The following USP9X variants were observed in gnomAD, a reference collection of about 807,000 sequenced individuals.
The protein encoded by USP9X is ubiquitin specific peptidase 9 X-linked.
A neutral mutation model predicts 190.3 loss-of-function variants in USP9X; 7 were observed. The observed-to-expected ratio is 0.04, with a 90% CI of 0.02 to 0.07. The LOEUF (loss-of-function observed/expected upper bound fraction) is 0.07. Ranked by LOEUF, USP9X falls within the 10% of genes least tolerant of loss-of-function variation. USP9X has a pLI of 1.00. For missense variants in USP9X, 1,010 were observed against 1,916.9 expected (o/e 0.53, Z 8.83); for synonymous variants, 645 against 659.5 (o/e 0.98, Z 0.34).
At chrX:41,198,899 AT>A in intron 30 of USP9X, 149 bp downstream of exon 30, 2 of 583,282 alleles carry the variant, frequency 3.4e-6, no homozygotes, top group Non-Finnish European at 5.1e-6. Context: ...AGTTAAGACC[AT>A]TATAGGCCGG....
rs759719877 is a variant in USP9X at position 41,167,529 on chromosome X, C to T, written c.2376C>T (p.Leu792=). The part of the protein sequence containing the change: ...NDDIASRAID[L]LKEIYTNLGP... ...ATATTGCCAGCAGAGCTATAGATCT[C>T]CTCAAAGAGATATACACGAACCTTG... Residue 792 remains leucine (L), a synonymous_variant, in exon 17 of 45, where the codon CTC becomes CTT. Transcript: ENST00000378308. 1.7e-5 allele frequency: 21 copies of T among 1,206,471 alleles called. No individual in the cohort carries two copies. Among genetic ancestry groups the T allele is most frequent in the Non-Finnish European group, 2.1e-5 (19 of 893,253 alleles).
In USP9X at chrX:41,229,401, A is replaced by G; in HGVS notation, c.7210A>G (p.Ile2404Val). Residue 2404 changes from isoleucine to valine, a missense_variant, in exon 42 of 45, where the codon ATC becomes GTC. Ile to Val is a conservative substitution (Grantham distance 29). Transcript: ENST00000378308. ...LFSNCPVAYQ[I>V]LQGNGDLKRK... ...TAGTAACTGTCCTGTTGCTTACCAA[A>G]TCCTGCAGGTGAGGATTTTTTTCTT... The G allele has an allele frequency of 8.5e-7, 1 of 1,173,207 alleles. No homozygotes were observed. Among genetic ancestry groups the G allele is most frequent in the Non-Finnish European group, 1.1e-6 (1 of 880,485 alleles).
chrX:41,215,836 GTTTTT>G (rs200417100), intron 34 of USP9X, 58 bp from the exon 35 acceptor site: 1 of 872,351 alleles, frequency 1.1e-6, no homozygotes, highest in African/African-American at 2.1e-5. Flanking sequence ...TTTGCTTGGG[GTTTTT>G]TTTTTTTTCC....
Position 41,234,008 on chromosome X carries a change from T to TG in USP9X, c.*1485dup, listed in dbSNP as rs775997568. ...TTAAGAAGAACTTTTTGTCCTGTGG[T>TG]GTGTTTTTGGTTTTTTTTTTGGTTA... On this transcript the variant is annotated 3_prime_UTR_variant, in exon 45 of 45. Coordinates refer to ENST00000378308, the MANE Select transcript of USP9X (RefSeq NM_001039591.3). 1.8e-5 allele frequency: 2 copies of TG among 109,883 alleles called. No individual in the cohort carries two copies. Among genetic ancestry groups the TG allele is most frequent in the Non-Finnish European group, 3.8e-5 (2 of 52,755 alleles). 9.1% of individuals were successfully genotyped at this position (109,883 alleles called of 1,213,427 possible).
chrX:41,216,956 G>A (rs1161067149), intron 35 of USP9X, among the ~76,000 whole-genome samples: 3 of 110,956 alleles, frequency 2.7e-5, no homozygotes, highest in African/African-American at 6.6e-5. Flanking sequence ...CAGCTACTCC[G>A]GAGGCTGAGG....
At chrX:41,189,507 CT>C (rs1344708654) in intron 26 of USP9X, 32 bp downstream of exon 26, 3 of 1,142,672 alleles carry the variant, frequency 2.6e-6, no homozygotes, top group Non-Finnish European at 3.5e-6. Flanking sequence ...AAGAAACTTA[CT>C]TTTTGTAAAT....
intron 14 of USP9X, among the ~76,000 whole-genome samples, chrX:41,154,416 G>T (rs2062558100): frequency 9.0e-6 from 1 of 111,527 alleles, no homozygotes; most frequent in Admixed American, 9.5e-5. Flanking sequence ...GGTTGCCAAG[G>T]AGGGCCTTCC....
intron 41 of USP9X, 145 bp from the exon 42 acceptor site, chrX:41,229,108 A>G (rs2063339920): frequency 4.9e-6 from 2 of 407,840 alleles, no homozygotes; most frequent in East Asian, 8.9e-5. Flanking sequence ...AAATAAATAA[A>G]AAATAAAGGT....
rs191743234 is a variant in USP9X at position 41,178,630 on chromosome X, T to C, written c.3149-5368T>C. Among the ~76,000 whole-genome samples, 9 of 112,214 alleles carry C rather than the reference T, an allele frequency of 8.0e-5. No individual in the cohort carries two copies. The East Asian group carries it at 2.5e-3, about 31-fold the overall frequency. On this transcript the variant is annotated intron_variant, in intron 21 of 44. Coordinates refer to ENST00000378308, the MANE Select transcript of USP9X (RefSeq NM_001039591.3). ...GGATATTAACCCCTTGTCAGATGCATAGTTTGCAAATATTTTCTCCAATTC... is the reference window on the plus strand; with the variant it reads ...GGATATTAACCCCTTGTCAGATGCACAGTTTGCAAATATTTTCTCCAATTC...
chrX:41,178,742 T>C (rs772521862), intron 21 of USP9X, among the ~76,000 whole-genome samples: 2 of 112,046 alleles, frequency 1.8e-5, no homozygotes, highest in East Asian at 5.6e-4. Context: ...GTTTTTGTGT[T>C]TGTTGCCTGT....
chrX:41,175,214 C>T (rs1025544491), intron 21 of USP9X, among the ~76,000 whole-genome samples: 4 of 111,435 alleles, frequency 3.6e-5, no homozygotes, highest in Non-Finnish European at 7.5e-5. Context: ...CTTGTGTGCT[C>T]TTTGGCTCAA....
chrX:41,144,569 A>G lies in USP9X; in HGVS notation c.1362A>G (p.Ala454=). ...TGAAGAATGTACATGATCTCCTGGC[A>G]AAATTGGCATGGGATTTTTCTCCTG... The part of the protein sequence containing the change: ...AIVKNVHDLL[A]KLAWDFSPEQ... Residue 454 remains alanine (A), a synonymous_variant, in exon 11 of 45, where the codon GCA becomes GCG. Transcript: ENST00000378308. 2 of 1,211,285 alleles carry G rather than the reference A, an allele frequency of 1.7e-6. No homozygotes were observed. The highest frequency in any genetic ancestry group is 1.8e-5 in the South Asian group (1 of 56,969).
At chrX:41,227,400 A>G (rs1371874843) in intron 41 of USP9X, among the ~76,000 whole-genome samples, 1 of 112,200 alleles carries the variant, frequency 8.9e-6, no homozygotes, top group Admixed American at 9.5e-5. Context: ...TGAAACAGCA[A>G]GAGGGCCTGA....
intron 41 of USP9X, chrX:41,228,990 G>A: frequency 4.9e-6 from 1 of 204,892 alleles, no homozygotes; most frequent in Non-Finnish European, 8.8e-6. Flanking sequence ...GGTGGCACGT[G>A]CCTGTAGTTG....
intron 32 of USP9X, 95 bp downstream of exon 32, chrX:41,205,588 T>C (rs2063084164): frequency 1.2e-6 from 1 of 851,683 alleles, no homozygotes; most frequent in African/African-American, 2.1e-5. Context: ...GGAAGGCATC[T>C]TTTTTTAAGC....
chrX:41,159,119 C>G (rs1208734935), intron 14 of USP9X, among the ~76,000 whole-genome samples: 1 of 111,491 alleles, frequency 9.0e-6, no homozygotes, highest in African/African-American at 3.3e-5. Context: ...GTAGACAACC[C>G]AATTAAGAAA....
At chrX:41,093,508 CTAATTTTGTATTTTTAA>C (rs771758422) in intron 1 of USP9X, among the ~76,000 whole-genome samples, 6 of 111,802 alleles carry the variant, frequency 5.4e-5, no homozygotes, top group Non-Finnish European at 1.1e-4. Flanking sequence ...CCACACCCAG[CTAATTTTGTATTTTTAA>C]TAGAGTTGGG....
intron 1 of USP9X, among the ~76,000 whole-genome samples, chrX:41,106,051 A>T (rs955392821): frequency 1.8e-5 from 2 of 111,961 alleles, no homozygotes; most frequent in Non-Finnish European, 3.8e-5. Context: ...TTATTTGTAA[A>T]TGTTTTTCTT....
intron 3 of USP9X, among the ~76,000 whole-genome samples, chrX:41,130,744 G>A (rs777500403): frequency 2.1e-5 from 2 of 97,222 alleles, no homozygotes; most frequent in South Asian, 9.3e-4. Context: ...TTTTCCTTTT[G>A]AGACGGTGTC....
Sources: gnomAD v4.1 joint callset for allele counts (sites outside exome capture counted in the v4.1 genomes callset) on GRCh38, gnomAD v4.1.1 for gene constraint, MANE v1.5 for transcripts, NCBI Gene and HGNC (gene_info 2026-07-23, HGNC 2026-07-21) for gene names.